Variants in PANK3 observed in about 807,000 individuals in gnomAD.
PANK3 encodes pantothenate kinase 3.
In PANK3, 20 loss-of-function variants were observed where a neutral mutation model predicts 39.4. The ratio of observed to expected loss-of-function variants is 0.51; its 90% CI spans 0.36 to 0.74. The LOEUF is 0.74. Among genes scored for constraint, PANK3 ranks in the 30% least tolerant of loss-of-function variants. The pLI is 0.00. For synonymous variants in PANK3, 140 were observed against 157.3 expected, an observed-to-expected ratio of 0.89 and a Z score of 0.82; for missense variants, 265 against 437.0, an observed-to-expected ratio of 0.61 and a Z score of 3.51.
In PANK3 at chr5:168,550,682, A is replaced by G. The variant is rs567719822; in HGVS notation, c.*6889T>C. ...AATAAAAATTATGTAATAACTTAAA[A>G]TTATATAAGCACTAAATATTAACTC... On this transcript the variant is annotated 3_prime_UTR_variant, in exon 7 of 7. Coordinates refer to ENST00000239231, the MANE Select transcript of PANK3 (RefSeq NM_024594.4). 1 of 152,338 alleles carries G rather than the reference A, an allele frequency of 6.6e-6. No individual in the cohort carries two copies. Among genetic ancestry groups the G allele is most frequent in the African/African-American group, 2.4e-5 (1 of 41,586 alleles). 9.4% of individuals were successfully genotyped at this position (152,338 alleles called of 1,614,324 possible). A position where few individuals can be genotyped will look rare whatever the true frequency, so the allele number is the denominator to read the frequency against.
intron 1 of PANK3, among the ~76,000 whole-genome samples, chr5:168,573,261 T>C (rs1759671499): frequency 6.6e-6 from 1 of 151,896 alleles, no homozygotes; most frequent in Non-Finnish European, 1.5e-5. Context: ...TCAGCCCTGC[T>C]ATAACTTCAA....
At position 168,555,794 on chromosome 5, in the gene PANK3, G is replaced by C. The variant is rs570340885; in HGVS notation, c.*1777C>G. 160 of 152,310 alleles carry C rather than the reference G, an allele frequency of 1.1e-3. 1 individual carries two copies. The highest frequency in any genetic ancestry group is 3.8e-3 in the African/African-American group (158 of 41,564). 9.4% of individuals were successfully genotyped at this position (152,310 alleles called of 1,614,324 possible). ...TCACTGTCGTTGAAAACTTTCTTGA[G>C]ATAGTTTATTTTATACAAACAAACT... is the stretch of plus-strand genomic sequence containing the variant. On this transcript the variant is annotated 3_prime_UTR_variant, in exon 7 of 7. Transcript: ENST00000239231.
intron 1 of PANK3, among the ~76,000 whole-genome samples, chr5:168,573,415 G>T (rs1229055589): frequency 6.4e-3 from 29 of 4,518 alleles, no homozygotes; most frequent in Admixed American, 0.023. Flanking sequence ...CCTCAGCAAG[G>T]CAAAAAAAAA....
intron 6 of PANK3, among the ~76,000 whole-genome samples, chr5:168,558,069 C>T (rs1369379914): frequency 2.0e-5 from 3 of 151,972 alleles, no homozygotes; most frequent in East Asian, 1.9e-4. Context: ...GTGCCTGACA[C>T]TCTCACTGCA....
intron 1 of PANK3, among the ~76,000 whole-genome samples, chr5:168,577,294 T>A (rs1020624135): frequency 6.6e-6 from 1 of 152,190 alleles, no homozygotes; most frequent in Admixed American, 6.5e-5. Context: ...CTTTTACATA[T>A]AAAAATGTTA....
At chr5:168,571,340 G>A (rs1431807329) in intron 1 of PANK3, among the ~76,000 whole-genome samples, 1 of 152,164 alleles carries the variant, frequency 6.6e-6, no homozygotes, top group East Asian at 1.9e-4. Flanking sequence ...TTTACTGAGT[G>A]CTCACTACCT....
In PANK3 at chr5:168,554,913, T is replaced by C. The variant is rs1050136638; in HGVS notation, c.*2658A>G. ...TCACTGTACTTTGGTTAATGTGAAC[T>C]ATGATTCATATATTTTATCCTTTCA... is the stretch of plus-strand genomic sequence containing the variant. On this transcript the variant is annotated 3_prime_UTR_variant, in exon 7 of 7. Coordinates refer to ENST00000239231, the MANE Select transcript of PANK3 (RefSeq NM_024594.4). 6.6e-6 allele frequency: 1 copy of C among 152,226 alleles called. No homozygotes were observed. The highest frequency in any genetic ancestry group is 2.4e-5 in the African/African-American group (1 of 41,462). The allele number at this position is 152,226 out of a possible 1,614,324, so 9.4% of individuals were successfully genotyped here.
intron 4 of PANK3, among the ~76,000 whole-genome samples, chr5:168,562,122 G>A (rs570660661): frequency 4.6e-5 from 7 of 152,222 alleles, no homozygotes; most frequent in South Asian, 2.1e-4. Context: ...AGTGCCTTAC[G>A]TGGCTAGAGG....
In PANK3 at chr5:168,557,291, A is replaced by G; in HGVS notation, c.*280T>C. 2.4e-6 allele frequency: 1 copy of G among 420,790 alleles called. No individual in the cohort carries two copies. Among genetic ancestry groups the G allele is most frequent in the East Asian group, 4.3e-5 (1 of 23,276 alleles). 26.1% of individuals were successfully genotyped at this position (420,790 alleles called of 1,614,324 possible). On this transcript the variant is annotated 3_prime_UTR_variant, in exon 7 of 7. Coordinates refer to ENST00000239231, the MANE Select transcript of PANK3 (RefSeq NM_024594.4). ...TTGTGTTTGAGCATACAGTACTGCA[A>G]TGTTGGCTACATAAAATAAAAAAAT... is the stretch of plus-strand genomic sequence containing the variant.
At chr5:168,564,480 T>C (rs559985988) in intron 3 of PANK3, among the ~76,000 whole-genome samples, 37 of 152,350 alleles carry the variant, frequency 2.4e-4, no homozygotes, top group African/African-American at 8.7e-4. Context: ...TCCCTCAGGC[T>C]GGAGTGCAGT....
chr5:168,561,317 G>T, intron 5 of PANK3, 76 bp downstream of exon 5: 1 of 1,326,688 alleles, frequency 7.5e-7, no homozygotes, highest in Non-Finnish European at 1.0e-6. Flanking sequence ...GGAAAGTGAA[G>T]AAGCCCTGCT....
In PANK3 at chr5:168,552,699, A is replaced by G. The variant is rs1349148100; in HGVS notation, c.*4872T>C. ...TAATAACAAAGAAACAATCATGAGG[A>G]CAGAACAAAACGCCATGCCTCAAGA... On this transcript the variant is annotated 3_prime_UTR_variant, in exon 7 of 7. Transcript: ENST00000239231. 1 of 195,824 alleles carries G rather than the reference A, an allele frequency of 5.1e-6. No homozygotes were observed. The highest frequency in any genetic ancestry group is 1.2e-5 in the Non-Finnish European group (1 of 82,968). 12.1% of individuals were successfully genotyped at this position (195,824 alleles called of 1,614,324 possible). A position where few individuals can be genotyped will look rare whatever the true frequency, so the allele number is the denominator to read the frequency against.
chr5:168,559,191 A>T, intron 5 of PANK3, 34 bp from the exon 6 acceptor site: 1 of 1,342,202 alleles, frequency 7.5e-7, no homozygotes, highest in Non-Finnish European at 1.0e-6. Context: ...AACTTGTAAA[A>T]ATAATAGATT....
In PANK3 at chr5:168,553,347, G is replaced by A; in HGVS notation, c.*4224C>T. Reference sequence around the variant, plus strand: ...GTCCGCATTACAAGCCAGTAATCTAGTGGCCCAGGATCAGCATTTCAACCA... The same window carrying A: ...GTCCGCATTACAAGCCAGTAATCTAATGGCCCAGGATCAGCATTTCAACCA... On this transcript the variant is annotated 3_prime_UTR_variant, in exon 7 of 7. Coordinates refer to ENST00000239231, the MANE Select transcript of PANK3 (RefSeq NM_024594.4). 1 of 509,618 alleles carries A rather than the reference G, an allele frequency of 2.0e-6. No homozygotes were observed. Among genetic ancestry groups the A allele is most frequent in the Admixed American group, 2.2e-5 (1 of 46,204 alleles). 31.6% of individuals were successfully genotyped at this position (509,618 alleles called of 1,614,324 possible). A position where few individuals can be genotyped will look rare whatever the true frequency, so the allele number is the denominator to read the frequency against.
At chr5:168,564,817 A>G (rs576597275) in intron 3 of PANK3, among the ~76,000 whole-genome samples, 66 of 152,292 alleles carry the variant, frequency 4.3e-4, no homozygotes, top group African/African-American at 1.5e-3. Context: ...TCAATTCAAT[A>G]TGATACACTA....
Position 168,563,983 on chromosome 5 carries a change from T to C in PANK3, c.718A>G (p.Lys240Glu). ...SFEEALEMASKGDSTQADKLV... is the reference protein window; with the variant it reads ...SFEEALEMASEGDSTQADKLV... ...TTGTCAGCTTGTGTGCTATCACCTTTGGATGCCATTTCAAGAGCCTCTTCA... is the reference window on the plus strand; with the variant it reads ...TTGTCAGCTTGTGTGCTATCACCTTCGGATGCCATTTCAAGAGCCTCTTCA... The change falls in exon 4 of 7, where the codon AAA (lysine) becomes GAA (glutamate). Residue 240 changes from lysine to glutamate, a missense_variant. Transcript: ENST00000239231. 6.2e-7 allele frequency: 1 copy of C among 1,613,858 alleles called. No homozygotes were observed. The highest frequency in any genetic ancestry group is 1.3e-5 in the African/African-American group (1 of 75,066).
intron 3 of PANK3, among the ~76,000 whole-genome samples, 156 bp downstream of exon 3, chr5:168,565,857 T>TAAAAAA (rs33910263): frequency 2.9e-4 from 30 of 104,248 alleles, no homozygotes; most frequent in South Asian, 1.8e-3. Context: ...CTCTTTCACT[T>TAAAAAA]AAAAAAAAAA....
At chr5:168,558,433 G>C (rs909949048) in intron 6 of PANK3, among the ~76,000 whole-genome samples, 1 of 152,042 alleles carries the variant, frequency 6.6e-6, no homozygotes, top group African/African-American at 2.4e-5. Context: ...CAAAGTGCTG[G>C]GATTACAGGC....
intron 3 of PANK3, among the ~76,000 whole-genome samples, chr5:168,564,286 A>G (rs139587618): frequency 4.2e-4 from 64 of 152,358 alleles, no homozygotes; most frequent in Non-Finnish European, 7.2e-4. Context: ...CTTGGTGGAA[A>G]CATGAGGAAA....
Sources: gnomAD v4.1 joint callset for allele counts (sites outside exome capture counted in the v4.1 genomes callset) on GRCh38, gnomAD v4.1.1 for gene constraint, MANE v1.5 for transcripts, NCBI Gene and HGNC (gene_info 2026-07-23, HGNC 2026-07-21) for gene names.